Variants in ANKRD17 observed in about 807,000 individuals in gnomAD.
ANKRD17 encodes ankyrin repeat domain 17, also known as ankyrin repeat domain-containing protein 17.
ANKRD17 carries 19 observed loss-of-function variants against 229.7 expected under a neutral mutation model. The observed-to-expected ratio is 0.08, with a 90% CI of 0.06 to 0.12. The LOEUF is 0.12. Ranked by LOEUF, ANKRD17 falls within the 10% of genes least tolerant of loss-of-function variation. The pLI is 1.00. For synonymous variants in ANKRD17, 1,112 were observed against 1,146.1 expected, an observed-to-expected ratio of 0.97 and a Z score of 0.60; for missense variants, 2,176 against 3,176.8, an observed-to-expected ratio of 0.68 and a Z score of 7.57.
At chr4:73,173,116 A>T (rs1359711174) in intron 2 of ANKRD17, among the ~76,000 whole-genome samples, 21 of 152,228 alleles carry the variant, frequency 1.4e-4, no homozygotes, top group Non-Finnish European at 1.5e-5. Flanking sequence ...GGGATTGAAA[A>T]AGATATTCCA....
At chr4:73,145,963 T>C (rs1730233525) in intron 10 of ANKRD17, among the ~76,000 whole-genome samples, 1 of 152,186 alleles carries the variant, frequency 6.6e-6, no homozygotes, top group Non-Finnish European at 1.5e-5. Context: ...GCACAGTTGC[T>C]TATTAATCTT....
rs1272872157 is a variant in ANKRD17, at chr4:73,179,428, ATG to A, written c.394-1897_394-1896del. Among the ~76,000 whole-genome samples the A allele has an allele frequency of 3.1e-3, 438 of 139,586 alleles. 1 individual carries two copies. The highest frequency in any genetic ancestry group is 0.016 in the South Asian group (74 of 4,492). The allele number at this position is 139,586 out of a possible 152,430, so 91.6% of individuals were successfully genotyped here. A position where few individuals can be genotyped will look rare whatever the true frequency, so the allele number is the denominator to read the frequency against. On this transcript the variant is annotated intron_variant, in intron 1 of 33. Coordinates refer to ENST00000358602, the MANE Select transcript of ANKRD17 (RefSeq NM_032217.5). ...ATTATATATATATGTGTGTGCATAT[ATG>A]TGTGTGTGTATATATATCTGTGTAT...
chr4:73,098,087 G>C lies in ANKRD17; in HGVS notation c.5007C>G (p.Gly1669=). Residue 1669 remains glycine, a synonymous_variant, in exon 26 of 34, where the codon GGC becomes GGG. Coordinates refer to ENST00000358602, the MANE Select transcript of ANKRD17 (RefSeq NM_032217.5). The part of the protein sequence containing the change: ...FPKEERKSVS[G]KASIKLSETI... The stretch of plus-strand genomic sequence containing the variant: ...TTGGAACTAACTTTATTGAAGCCTT[G>C]CCAGAAACAGATTTTCTCTCTTCCT... The C allele has an allele frequency of 6.3e-7, 1 of 1,599,356 alleles. No homozygotes were observed. Among genetic ancestry groups the C allele is most frequent in the Non-Finnish European group, 8.5e-7 (1 of 1,170,138 alleles).
At chr4:73,216,187 A>C (rs1473889034) in intron 1 of ANKRD17, among the ~76,000 whole-genome samples, 1 of 152,196 alleles carries the variant, frequency 6.6e-6, no homozygotes, top group Non-Finnish European at 1.5e-5. Context: ...CACTCTCACA[A>C]ATTTTTTCTT....
intron 1 of ANKRD17, among the ~76,000 whole-genome samples, chr4:73,244,003 T>A (rs997502283): frequency 1.6e-4 from 24 of 152,174 alleles, no homozygotes; most frequent in Non-Finnish European, 3.2e-4. Flanking sequence ...TCTGGGTGTC[T>A]GCAGATTTGT....
At chr4:73,133,837 C>T (rs1159604252) in intron 16 of ANKRD17, among the ~76,000 whole-genome samples, 1 of 151,966 alleles carries the variant, frequency 6.6e-6, no homozygotes, top group African/African-American at 2.4e-5. Context: ...GAACCCATTA[C>T]AAAAGAAAAA....
intron 3 of ANKRD17, 141 bp downstream of exon 3, chr4:73,161,051 G>T: frequency 9.3e-7 from 1 of 1,076,570 alleles, no homozygotes; most frequent in Non-Finnish European, 1.3e-6. Context: ...TAAAGTTTTT[G>T]TGAATCTAAA....
chr4:73,113,114 A>G (rs1370203179), intron 24 of ANKRD17: 2 of 1,210,110 alleles, frequency 1.7e-6, no homozygotes, highest in African/African-American at 3.2e-5. Context: ...AAGATGAGAT[A>G]TGGCAGTTCC....
intron 27 of ANKRD17, among the ~76,000 whole-genome samples, chr4:73,094,874 A>T (rs1723136468): frequency 1.3e-5 from 2 of 152,120 alleles, no homozygotes; most frequent in African/African-American, 2.4e-5. Flanking sequence ...TCAAAGAGTG[A>T]TGTTAAAAAT....
intron 1 of ANKRD17, among the ~76,000 whole-genome samples, chr4:73,225,560 A>G (rs928535440): frequency 6.6e-6 from 1 of 152,164 alleles, no homozygotes; most frequent in African/African-American, 2.4e-5. Context: ...TGTTGAAAGC[A>G]GGCAATACTT....
At chr4:73,197,294 T>C in intron 1 of ANKRD17, among the ~76,000 whole-genome samples, 1 of 152,196 alleles carries the variant, frequency 6.6e-6, no homozygotes, top group East Asian at 1.9e-4. Context: ...TTTACAGCAA[T>C]ACAGATAACT....
intron 1 of ANKRD17, among the ~76,000 whole-genome samples, chr4:73,199,968 T>C (rs992816875): frequency 1.3e-5 from 2 of 152,162 alleles, no homozygotes; most frequent in Non-Finnish European, 2.9e-5. Context: ...GTGAATTCTG[T>C]TTTACAGATA....
At position 73,074,810 on chromosome 4, in the gene ANKRD17, A is replaced by T. The variant is rs1389681026; in HGVS notation, c.*1421T>A. The T allele has an allele frequency of 1.3e-5, 2 of 152,454 alleles. No individual in the cohort carries two copies. The highest frequency in any genetic ancestry group is 4.8e-5 in the African/African-American group (2 of 41,448). The allele number at this position is 152,454 out of a possible 1,614,324, so 9.4% of individuals were successfully genotyped here. A position where few individuals can be genotyped will look rare whatever the true frequency, so the allele number is the denominator to read the frequency against. Reference sequence around the variant, plus strand: ...TATACATTACTCGATTTTTATGCTTACTTTCTTTTACATTTCAACCATATA... The same window carrying T: ...TATACATTACTCGATTTTTATGCTTTCTTTCTTTTACATTTCAACCATATA... On this transcript the variant is annotated 3_prime_UTR_variant, in exon 34 of 34. Transcript: ENST00000358602.
At chr4:73,093,008 T>G (rs933853080) in intron 28 of ANKRD17, among the ~76,000 whole-genome samples, 5 of 152,148 alleles carry the variant, frequency 3.3e-5, no homozygotes, top group Non-Finnish European at 4.4e-5. Flanking sequence ...GTTCCCTCTT[T>G]TCTAGATAAG....
At chr4:73,141,655 CTTT>C (rs1191276453) in intron 14 of ANKRD17, 83 bp downstream of exon 14, 2 of 1,310,974 alleles carry the variant, frequency 1.5e-6, no homozygotes, top group Non-Finnish European at 2.2e-6. Context: ...TAGTAAACTT[CTTT>C]GTTTGTAGAA....
chr4:73,198,578 A>C (rs1291390725), intron 1 of ANKRD17, among the ~76,000 whole-genome samples: 1 of 152,182 alleles, frequency 6.6e-6, no homozygotes, highest in East Asian at 1.9e-4. Flanking sequence ...GAAAAATTAA[A>C]TGTTATTAGT....
chr4:73,147,185 C>CA lies in ANKRD17; in HGVS notation c.1759+55dup, dbSNP rs1463831658. ...CATCATAAAAATATTTGCATTATGACATTTTTACTTAAACAAATCATGTAA... is the reference window on the plus strand; with the variant it reads ...CATCATAAAAATATTTGCATTATGACAATTTTTACTTAAACAAATCATGTAA... On this transcript the variant is annotated intron_variant, in intron 9 of 33. Transcript: ENST00000358602. 1.9e-4 allele frequency: 279 copies of CA among 1,432,426 alleles called. 1 individual carries two copies. The highest frequency in any genetic ancestry group is 1.5e-4 in the Non-Finnish European group (165 of 1,067,192). The allele number at this position is 1,432,426 out of a possible 1,614,324, so 88.7% of individuals were successfully genotyped here.
intron 1 of ANKRD17, among the ~76,000 whole-genome samples, chr4:73,199,803 C>T (rs1434938341): frequency 6.6e-6 from 1 of 152,240 alleles, no homozygotes; most frequent in East Asian, 1.9e-4. Context: ...GAACCAAGAA[C>T]AGTGCAGGAC....
intron 8 of ANKRD17, among the ~76,000 whole-genome samples, chr4:73,147,976 T>A (rs1304384975): frequency 6.6e-6 from 1 of 152,130 alleles, no homozygotes; most frequent in African/African-American, 2.4e-5. Flanking sequence ...AGGCACTACA[T>A]GACAAGCACT....
Sources: allele counts gnomAD v4.1 joint callset (sites outside exome capture counted in the v4.1 genomes callset), GRCh38; gene constraint gnomAD v4.1.1; transcripts MANE v1.5; gene names NCBI Gene and HGNC (gene_info 2026-07-23, HGNC 2026-07-21).